Variants in CFAP69 observed in about 807,000 individuals in gnomAD.
The protein encoded by CFAP69 is cilia- and flagella-associated protein 69.
Under a neutral mutation model 123.0 loss-of-function variants are expected in CFAP69, and 92 were observed. That is an observed-to-expected ratio of 0.75 (90% confidence interval 0.63 to 0.89). CFAP69 has a LOEUF of 0.89. Ranked by LOEUF, CFAP69 falls within the 40% of genes least tolerant of loss-of-function variation. The probability of loss-of-function intolerance (pLI) is 0.00; values close to 1 mark genes in which losing one functional copy is unlikely to be tolerated. For missense variants in CFAP69, 1,067 were observed against 1,096.9 expected, an observed-to-expected ratio of 0.97 and a Z score of 0.39; for synonymous variants, 380 against 364.3, an observed-to-expected ratio of 1.04 and a Z score of -0.49.
At position 90,304,028 on chromosome 7, in the gene CFAP69, G is replaced by C. The variant is rs1189753847; in HGVS notation, c.2110G>C (p.Ala704Pro). ...AGAGCAAAAAATCATCCCACTGCCT[G>C]CTAACTGCCCATCTATTGCGGTTAT... ...QEEQKIIPLPANCPSIAVMDV... is the reference protein window; with the variant it reads ...QEEQKIIPLPPNCPSIAVMDV... Residue 704 changes from alanine (A) to proline (P), a missense_variant, in exon 18 of 23, where the codon GCT becomes CCT. By Grantham distance (27) the Ala-to-Pro change is conservative. Coordinates refer to ENST00000389297, the MANE Select transcript of CFAP69 (RefSeq NM_001039706.3). The C allele has an allele frequency of 1.9e-6, 3 of 1,551,018 alleles. No individual in the cohort carries two copies. The African/African-American group carries it at 4.1e-5, about 21-fold the overall frequency.
intron 19 of CFAP69, among the ~76,000 whole-genome samples, chr7:90,305,878 A>T (rs78446220): frequency 2.0e-5 from 3 of 151,038 alleles, no homozygotes; most frequent in African/African-American, 7.3e-5. Flanking sequence ...TTGTCCTTCT[A>T]CTAATATTAG....
At chr7:90,309,948 G>A in intron 22 of CFAP69, 120 bp from the exon 23 acceptor site, 1 of 740,178 alleles carries the variant, frequency 1.4e-6, no homozygotes, top group South Asian at 2.0e-5. Context: ...TACCATAACT[G>A]CCTCCTAGTT....
rs1338721138 is a variant in CFAP69, at chr7:90,288,353, G to A, written c.1775+1G>A. The A allele has an allele frequency of 1.2e-6, 2 of 1,609,048 alleles. No homozygotes were observed. Among genetic ancestry groups the A allele is most frequent in the Non-Finnish European group, 1.7e-6 (2 of 1,176,880 alleles). On this transcript the variant is annotated splice_donor_variant, in intron 15 of 22. Coordinates refer to ENST00000389297, the MANE Select transcript of CFAP69 (RefSeq NM_001039706.3). LOFTEE classifies it high-confidence loss of function. ...TTTTTAGTACATTGGACAGCATTTG[G>A]TGAGTATTGCTATAATCAAATTAGG...
At chr7:90,290,017 AG>A in intron 15 of CFAP69, among the ~76,000 whole-genome samples, 1 of 152,146 alleles carries the variant, frequency 6.6e-6, no homozygotes, top group Non-Finnish European at 1.5e-5. Context: ...GGTCTTGATA[AG>A]TCTAGACATC....
chr7:90,268,245 T>G (rs1469790636), intron 5 of CFAP69, 41 bp from the exon 6 acceptor site: 2 of 1,256,496 alleles, frequency 1.6e-6, no homozygotes, highest in Non-Finnish European at 1.1e-6. Flanking sequence ...AATAAGCTTA[T>G]GACAGTGTTG....
chr7:90,245,360 C>T lies in CFAP69; in HGVS notation c.-65C>T. 3.5e-6 allele frequency: 5 copies of T among 1,445,022 alleles called. No homozygotes were observed. Among genetic ancestry groups the T allele is most frequent in the Non-Finnish European group, 4.6e-6 (5 of 1,098,504 alleles). The allele number at this position is 1,445,022 out of a possible 1,614,324, so 89.5% of individuals were successfully genotyped here. A position where few individuals can be genotyped will look rare whatever the true frequency, so the allele number is the denominator to read the frequency against. On this transcript the variant is annotated 5_prime_UTR_variant, in exon 1 of 23. Coordinates refer to ENST00000389297, the MANE Select transcript of CFAP69 (RefSeq NM_001039706.3). ...CTCGGTGGCGGGGCCTCTTTGGGCC[C>T]AGCGGCTGCGGGCGCACTGTAGGAC...
At position 90,309,373 on chromosome 7, in the gene CFAP69, A is replaced by T; in HGVS notation, c.2655+6A>T. On this transcript the variant is annotated splice_donor_region_variant and intron_variant, in intron 22 of 22. Coordinates refer to ENST00000389297, the MANE Select transcript of CFAP69 (RefSeq NM_001039706.3). ...TTAAAGGCCTTAACACAACGGTAAG[A>T]TTCTTTCTCCATAACATTTTCTTAA... 7.0e-7 allele frequency: 1 copy of T among 1,426,720 alleles called. No individual in the cohort carries two copies. The highest frequency in any genetic ancestry group is 1.4e-5 in the African/African-American group (1 of 70,264). The allele number at this position is 1,426,720 out of a possible 1,614,324, so 88.4% of individuals were successfully genotyped here. A position where few individuals can be genotyped will look rare whatever the true frequency, so the allele number is the denominator to read the frequency against.
At chr7:90,293,561 T>A (rs1209391034) in intron 15 of CFAP69, among the ~76,000 whole-genome samples, 2 of 152,202 alleles carry the variant, frequency 1.3e-5, no homozygotes, top group East Asian at 3.8e-4. Context: ...AATTGTAAAA[T>A]ACCCTTTAAT....
At position 90,245,229 on chromosome 7, in the gene CFAP69, T is replaced by A; in HGVS notation, c.-196T>A. 1 of 606,418 alleles carries A rather than the reference T, an allele frequency of 1.6e-6. No homozygotes were observed. Among genetic ancestry groups the A allele is most frequent in the Non-Finnish European group, 2.5e-6 (1 of 397,144 alleles). 37.6% of individuals were successfully genotyped at this position (606,418 alleles called of 1,614,324 possible). The stretch of plus-strand genomic sequence containing the variant: ...CCCGGGATCAGAGGTCTGGGTCAAC[T>A]GGGGGGCGGCAGCGGCGCTAAGCGG... On this transcript the variant is annotated 5_prime_UTR_variant, in exon 1 of 23. Coordinates refer to ENST00000389297, the MANE Select transcript of CFAP69 (RefSeq NM_001039706.3).
At position 90,304,677 on chromosome 7, in the gene CFAP69, A is replaced by G. The variant is rs922939157; in HGVS notation, c.2189-67A>G. ...TAGATAGATAGATAGATAGATAGAT[A>G]GATAGATAGATTCTTAGAATCACTT... On this transcript the variant is annotated intron_variant, in intron 18 of 22. Transcript: ENST00000389297. 2.3e-5 allele frequency: 28 copies of G among 1,216,018 alleles called. No individual in the cohort carries two copies. In the Admixed American group the frequency reaches 7.7e-4, roughly 34 times the overall value. The allele number at this position is 1,216,018 out of a possible 1,614,324, so 75.3% of individuals were successfully genotyped here.
chr7:90,277,555 A>G (rs1157143475), intron 11 of CFAP69, among the ~76,000 whole-genome samples: 1 of 152,198 alleles, frequency 6.6e-6, no homozygotes, highest in Non-Finnish European at 1.5e-5. Flanking sequence ...AGAGAAAAAT[A>G]GTAGAACCTA....
chr7:90,260,991 A>G (rs1270573509), intron 3 of CFAP69, among the ~76,000 whole-genome samples: 1 of 152,198 alleles, frequency 6.6e-6, no homozygotes, highest in Non-Finnish European at 1.5e-5. Flanking sequence ...GGCTAGGAGT[A>G]ATAAGATTCA....
chr7:90,304,781 T>C lies in CFAP69; in HGVS notation c.2226T>C (p.Phe742=), dbSNP rs1793324670. ...TACCTGGCCTATCTGCTGAAGATTT[T>C]GTCACCCTTTGTATCATACATAGAT... ...ENLPGLSAED[F]VTLCIIHRYL... The change falls in exon 19 of 23, where the codon TTT becomes TTC. Residue 742 remains phenylalanine, a synonymous_variant. Transcript: ENST00000389297. 4 of 1,574,524 alleles carry C rather than the reference T, an allele frequency of 2.5e-6. No homozygotes were observed. The highest frequency in any genetic ancestry group is 3.5e-6 in the Non-Finnish European group (4 of 1,148,762).
chr7:90,310,003 T>G, intron 22 of CFAP69, 65 bp from the exon 23 acceptor site: 26 of 1,319,714 alleles, frequency 2.0e-5, no homozygotes, highest in Non-Finnish European at 2.7e-5. Flanking sequence ...GAAGGATGAA[T>G]GAGTTTTTCT....
At chr7:90,282,201 C>T (rs1584450168) in intron 12 of CFAP69, among the ~76,000 whole-genome samples, 1 of 138,102 alleles carries the variant, frequency 7.2e-6, no homozygotes, top group East Asian at 2.2e-4. Context: ...AAAAAAAAAG[C>T]AGCTGGTCAT....
chr7:90,253,622 C>A (rs1797289488), intron 1 of CFAP69, among the ~76,000 whole-genome samples: 1 of 152,256 alleles, frequency 6.6e-6, no homozygotes, highest in East Asian at 1.9e-4. Context: ...GAACTCCTAA[C>A]CTCAGATGAT....
intron 17 of CFAP69, chr7:90,300,369 AAT>A (rs1792615086): frequency 1.1e-6 from 1 of 889,460 alleles, no homozygotes; most frequent in African/African-American, 1.8e-5. Flanking sequence ...TAGATTCAAT[AAT>A]ATTTCATTGA....
intron 8 of CFAP69, 24 bp from the exon 9 acceptor site, chr7:90,273,963 T>G: frequency 6.5e-7 from 1 of 1,539,148 alleles, no homozygotes; most frequent in Non-Finnish European, 8.8e-7. Flanking sequence ...AATATAGTTT[T>G]TAAAATATGA....
the CFAP69 span, among the ~76,000 whole-genome samples, chr7:90,320,182 A>G: frequency 1.0e-3 from 154 of 152,316 alleles, 1 homozygote; most frequent in African/African-American, 3.4e-3. Context: ...AGTCCTTTCT[A>G]CATGTAACAT....
Sources: allele counts gnomAD v4.1 joint callset (sites outside exome capture counted in the v4.1 genomes callset), GRCh38; gene constraint gnomAD v4.1.1; transcripts MANE v1.5; gene names NCBI Gene and HGNC (gene_info 2026-07-23, HGNC 2026-07-21).